ZNF536: variants seen among roughly 807,000 people sequenced by gnomAD.
ZNF536 encodes the protein zinc finger protein 536.
A neutral mutation model predicts 84.5 loss-of-function variants in ZNF536; 13 were observed. That is an observed-to-expected ratio of 0.15 (90% CI 0.10 to 0.24). The LOEUF (loss-of-function observed/expected upper bound fraction) is 0.24, where lower values mean the gene tolerates loss of function less well. Among genes scored for constraint, ZNF536 ranks in the 10% least tolerant of loss-of-function variants. The probability of loss-of-function intolerance (pLI) is 1.00; values close to 1 mark genes in which losing one functional copy is unlikely to be tolerated. For synonymous variants in ZNF536, 811 were observed against 742.5 expected (o/e 1.09, Z -1.50); for missense variants, 1,536 against 1,747.5 (o/e 0.88, Z 2.16).
intron 2 of ZNF536, among the ~76,000 whole-genome samples, chr19:30,520,377 G>A (rs2044271678): frequency 6.6e-6 from 1 of 152,124 alleles, no homozygotes; most frequent in African/African-American, 2.4e-5. Context: ...GATGAATGGG[G>A]AGCTCTTTGG....
intron 1 of ZNF536, among the ~76,000 whole-genome samples, chr19:30,621,438 A>G (rs1458830373): frequency 6.6e-6 from 1 of 151,972 alleles, no homozygotes; most frequent in Non-Finnish European, 1.5e-5. Flanking sequence ...AGCTCTTCTC[A>G]GTGGGGGGAC....
At chr19:30,235,543 A>C (rs1207560818) in intron 1 of ZNF536, among the ~76,000 whole-genome samples, 13 of 152,246 alleles carry the variant, frequency 8.5e-5, no homozygotes, top group Non-Finnish European at 1.6e-4. Flanking sequence ...CACAGCCCAC[A>C]TAGATATTAC....
chr19:30,309,091 C>T (rs1329728103), intron 2 of ZNF536, among the ~76,000 whole-genome samples: 1 of 152,026 alleles, frequency 6.6e-6, no homozygotes, highest in Admixed American at 6.5e-5. Context: ...GTCCATCAGA[C>T]ACAAAAGAAG....
chr19:30,299,380 C>A (rs2046106152), intron 2 of ZNF536, among the ~76,000 whole-genome samples: 1 of 151,968 alleles, frequency 6.6e-6, no homozygotes, highest in South Asian at 2.1e-4. Flanking sequence ...AAAGGGATAG[C>A]CAAAAATATT....
At chr19:30,232,791 G>A (rs549099632) in intron 1 of ZNF536, among the ~76,000 whole-genome samples, 2 of 152,296 alleles carry the variant, frequency 1.3e-5, no homozygotes, top group Non-Finnish European at 2.9e-5. Flanking sequence ...CAGGGCACTC[G>A]TGGGAGTCCG....
At chr19:30,389,248 G>T (rs2049477286) in intron 1 of ZNF536, among the ~76,000 whole-genome samples, 1 of 152,192 alleles carries the variant, frequency 6.6e-6, no homozygotes, top group Non-Finnish European at 1.5e-5. Flanking sequence ...AAGGGGGTAT[G>T]CGGAAGGCCA....
chr19:30,372,689 G>A (rs2048653761), intron 1 of ZNF536, 133 bp downstream of exon 1: 1 of 152,030 alleles, frequency 6.6e-6, no homozygotes, highest in Non-Finnish European at 1.5e-5. Flanking sequence ...ATGGATTCTT[G>A]TTCACGAAGT....
At chr19:30,435,800 A>G (rs1472438721) in intron 1 of ZNF536, among the ~76,000 whole-genome samples, 1 of 152,078 alleles carries the variant, frequency 6.6e-6, no homozygotes, top group Non-Finnish European at 1.5e-5. Flanking sequence ...ATGACAGGAG[A>G]ACCCCTTTGT....
At chr19:30,452,928 C>A (rs942773250) in intron 2 of ZNF536, among the ~76,000 whole-genome samples, 1 of 133,958 alleles carries the variant, frequency 7.5e-6, no homozygotes, top group African/African-American at 2.9e-5. Flanking sequence ...GGGGGCTGAG[C>A]GAGGCTTGCA....
chr19:30,227,353 T>C (rs148686903), upstream of ZNF536, among the ~76,000 whole-genome samples: 3 of 152,076 alleles, frequency 2.0e-5, no homozygotes, highest in African/African-American at 7.2e-5. Flanking sequence ...AGGTGGAGGA[T>C]TGGAATGTTG....
intron 2 of ZNF536, among the ~76,000 whole-genome samples, chr19:30,506,455 G>T (rs933461868): frequency 6.6e-6 from 1 of 152,202 alleles, no homozygotes; most frequent in South Asian, 2.1e-4. Flanking sequence ...ACTCAGCTGC[G>T]CTGTTTGAAT....
chr19:30,678,186 G>A (rs1448126923), intron 1 of ZNF536, among the ~76,000 whole-genome samples: 1 of 152,212 alleles, frequency 6.6e-6, no homozygotes, highest in Non-Finnish European at 1.5e-5. Flanking sequence ...AGGGACCGGA[G>A]AAGCCTCCAT....
chr19:30,240,304 C>T (rs1444415394), intron 1 of ZNF536, among the ~76,000 whole-genome samples: 1 of 151,732 alleles, frequency 6.6e-6, no homozygotes. Flanking sequence ...ACCCGGGAGG[C>T]AGAGGTTGCA....
chr19:30,278,514 C>T (rs973312746), intron 1 of ZNF536, among the ~76,000 whole-genome samples: 4 of 152,164 alleles, frequency 2.6e-5, no homozygotes, highest in Admixed American at 6.5e-5. Context: ...GCAGGGCAGT[C>T]TTTCTGGGGC....
At chr19:30,708,767 C>G (rs1370127284) in intron 1 of ZNF536, among the ~76,000 whole-genome samples, 1 of 152,178 alleles carries the variant, frequency 6.6e-6, no homozygotes, top group African/African-American at 2.4e-5. Flanking sequence ...GGGTGCAATT[C>G]AGTGGGAAAG....
At chr19:30,664,291 T>G (rs1307106222) in intron 1 of ZNF536, among the ~76,000 whole-genome samples, 1 of 148,900 alleles carries the variant, frequency 6.7e-6, no homozygotes, top group African/African-American at 2.5e-5. Flanking sequence ...TCTCAGCAGC[T>G]GCTAGAACCA....
intron 1 of ZNF536, among the ~76,000 whole-genome samples, chr19:30,626,609 AC>A (rs1367004848): frequency 2.6e-5 from 4 of 152,022 alleles, no homozygotes; most frequent in South Asian, 2.1e-4. Flanking sequence ...TTCCCCCGCT[AC>A]CCCCACTTGG....
intron 2 of ZNF536, among the ~76,000 whole-genome samples, chr19:30,509,885 G>A (rs548242495): frequency 2.2e-3 from 330 of 152,298 alleles, no homozygotes; most frequent in African/African-American, 7.6e-3. Flanking sequence ...TTCTTTCTTC[G>A]TTTTATAGCT....
At chr19:30,270,880 C>A (rs1330193871) in intron 1 of ZNF536, among the ~76,000 whole-genome samples, 2 of 150,672 alleles carry the variant, frequency 1.3e-5, no homozygotes, top group Non-Finnish European at 3.0e-5. Flanking sequence ...TGTGCAAATT[C>A]ATTACAATGT....
Sources: gnomAD v4.1 joint callset for allele counts (sites outside exome capture counted in the v4.1 genomes callset) on GRCh38, gnomAD v4.1.1 for gene constraint, MANE v1.5 for transcripts, NCBI Gene and HGNC (gene_info 2026-07-23, HGNC 2026-07-21) for gene names.